Variants in ZNF805 observed in about 807,000 individuals in gnomAD.
ZNF805 encodes zinc finger protein 805.
A neutral mutation model predicts 13.6 loss-of-function variants in ZNF805; 7 were observed. That is an observed-to-expected ratio of 0.51 (90% CI 0.29 to 0.97). ZNF805 has a LOEUF of 0.97. Among genes scored for constraint, ZNF805 ranks in the 50% least tolerant of loss-of-function variants. The pLI is 0.08. For synonymous variants in ZNF805, 293 were observed against 279.8 expected, an observed-to-expected ratio of 1.05 and a Z score of -0.47; for missense variants, 604 against 771.0, an observed-to-expected ratio of 0.78 and a Z score of 2.57.
chr19:57,251,700 A>G (rs959441955), intron 3 of ZNF805, among the ~76,000 whole-genome samples: 1 of 152,222 alleles, frequency 6.6e-6, no homozygotes, highest in African/African-American at 2.4e-5. Context: ...CCTAATGTCA[A>G]AAAGGTATTC....
At position 57,255,571 on chromosome 19, in the gene ZNF805, A is replaced by G. The variant is rs541790082; in HGVS notation, c.*868A>G. On this transcript the variant is annotated 3_prime_UTR_variant, in exon 4 of 4. Transcript: ENST00000414468. Reference sequence around the variant, plus strand: ...ACAGTATAACTCCTGCACATTTAAAATAAGAATTATAGCTGCATAGTTTTT... The same window carrying G: ...ACAGTATAACTCCTGCACATTTAAAGTAAGAATTATAGCTGCATAGTTTTT... Among the ~76,000 whole-genome samples the G allele has an allele frequency of 3.9e-5, 6 of 152,300 alleles. No homozygotes were observed. The South Asian group carries it at 8.3e-4, about 21-fold the overall frequency.
rs1036413342 is a variant in ZNF805 at position 57,260,582 on chromosome 19, G to T, written c.*5879G>T. On this transcript the variant is annotated 3_prime_UTR_variant, in exon 4 of 4. Coordinates refer to ENST00000414468, the MANE Select transcript of ZNF805 (RefSeq NM_001023563.4). Reference sequence around the variant, plus strand: ...CTGGCTTTTTTCCTTTTTAGGGTCTGTGTCTTTCTTCCATCTGTAAAACAG... The same window carrying T: ...CTGGCTTTTTTCCTTTTTAGGGTCTTTGTCTTTCTTCCATCTGTAAAACAG... 6.6e-6 allele frequency among the ~76,000 whole-genome samples: 1 copy of T among 152,134 alleles called. No individual in the cohort carries two copies. The highest frequency in any genetic ancestry group is 2.4e-5 in the African/African-American group (1 of 41,418).
At chr19:57,241,041 G>C in intron 1 of ZNF805, 120 bp downstream of exon 1, 1 of 1,132,356 alleles carries the variant, frequency 8.8e-7, no homozygotes, top group Non-Finnish European at 1.3e-6. Flanking sequence ...TTTACGAAAC[G>C]TGGAGCAGGC....
chr19:57,240,972 C>T, intron 1 of ZNF805, 51 bp downstream of exon 1: 2 of 1,544,540 alleles, frequency 1.3e-6, no homozygotes, highest in Non-Finnish European at 1.8e-6. Flanking sequence ...TTCGGGGAAG[C>T]CTCCTGGGCA....
intron 3 of ZNF805, among the ~76,000 whole-genome samples, chr19:57,250,625 T>C (rs749486280): frequency 3.3e-5 from 5 of 152,236 alleles, no homozygotes; most frequent in Non-Finnish European, 7.3e-5. Context: ...TTTGTGCCTC[T>C]GGTCAGCTCT....
In ZNF805 at chr19:57,259,088, G is replaced by GT. The variant is rs879903092; in HGVS notation, c.*4393dup. Among the ~76,000 whole-genome samples the GT allele has an allele frequency of 7.9e-5, 12 of 151,864 alleles. No homozygotes were observed. Among genetic ancestry groups the GT allele is most frequent in the South Asian group, 2.1e-4 (1 of 4,802 alleles). On this transcript the variant is annotated 3_prime_UTR_variant, in exon 4 of 4. Transcript: ENST00000414468. Reference sequence around the variant, plus strand: ...TATCAACCTGCGTTCAAAGTGTTTTGTTTTTTTTGTAGTGTTCAGAAGTTT... The same window carrying GT: ...TATCAACCTGCGTTCAAAGTGTTTTGTTTTTTTTTGTAGTGTTCAGAAGTTT...
intron 2 of ZNF805, among the ~76,000 whole-genome samples, chr19:57,245,509 A>G (rs547449199): frequency 0.01 from 1,524 of 152,204 alleles, 25 homozygotes; most frequent in African/African-American, 0.034. Flanking sequence ...GCCAGGTGCG[A>G]TAGCTCATGC....
chr19:57,247,319 C>A (rs559249933), intron 2 of ZNF805, among the ~76,000 whole-genome samples: 37 of 152,180 alleles, frequency 2.4e-4, no homozygotes, highest in Non-Finnish European at 4.6e-4. Flanking sequence ...GATGAATCCT[C>A]CAGCTCACAT....
At chr19:57,250,451 C>G (rs1466138114) in intron 3 of ZNF805, among the ~76,000 whole-genome samples, 1 of 152,278 alleles carries the variant, frequency 6.6e-6, no homozygotes, top group South Asian at 2.1e-4. Context: ...AGGCTGGTCT[C>G]GAACTCCCGA....
intron 2 of ZNF805, among the ~76,000 whole-genome samples, chr19:57,246,228 C>T (rs902166878): frequency 2.6e-5 from 4 of 152,172 alleles, no homozygotes; most frequent in Non-Finnish European, 5.9e-5. Flanking sequence ...GGCTGGAGTG[C>T]AGTGGTTTGA....
chr19:57,254,621 A>C lies in ZNF805; in HGVS notation c.1802A>C (p.Glu601Ala), dbSNP rs781003321. Residue 601 changes from glutamate (E) to alanine (A), a missense_variant, in exon 4 of 4, where the codon GAA (glutamate) becomes GCA (alanine). This residue lies in a region of ZNF805 where 49 missense variants were observed against 40.0 expected (regional missense o/e 1.23). Transcript: ENST00000414468. Reference sequence around the variant, plus strand: ...AACTTTTTGAATGTCACCACTGAGGAAAATCTTTTGCAAGAGGAAGCATCT... The same window carrying C: ...AACTTTTTGAATGTCACCACTGAGGCAAATCTTTTGCAAGAGGAAGCATCT... ...GKNFLNVTTE[E>A]NLLQEEASYM... 3.0e-5 allele frequency: 49 copies of C among 1,614,028 alleles called. 2 individuals carry two copies. In the South Asian group the frequency reaches 4.9e-4, roughly 16 times the overall value.
Position 57,257,543 on chromosome 19 carries a change from T to C in ZNF805, c.*2840T>C, listed in dbSNP as rs2087694827. 6.6e-6 allele frequency among the ~76,000 whole-genome samples: 1 copy of C among 152,190 alleles called. No individual in the cohort carries two copies. The highest frequency in any genetic ancestry group is 2.4e-5 in the African/African-American group (1 of 41,444). The stretch of plus-strand genomic sequence containing the variant: ...CTGTTAATACTCTTATCAATTTTTA[T>C]CTGATATTTGTGTGGTCAGTCTTAC... On this transcript the variant is annotated 3_prime_UTR_variant, in exon 4 of 4. Coordinates refer to ENST00000414468, the MANE Select transcript of ZNF805 (RefSeq NM_001023563.4).
chr19:57,253,327 A>G lies in ZNF805; in HGVS notation c.508A>G (p.Arg170Gly). ...GLGTADSVCS[R>G]IIQDRVSLGD... Reference sequence around the variant, plus strand: ...AGGGACAGCTGATAGTGTGTGTTCAAGGATTATACAGGATCGAGTCTCCTT... The same window carrying G: ...AGGGACAGCTGATAGTGTGTGTTCAGGGATTATACAGGATCGAGTCTCCTT... Residue 170 changes from arginine (R) to glycine (G), a missense_variant, in exon 4 of 4, where the codon AGG becomes GGG. Coordinates refer to ENST00000414468, the MANE Select transcript of ZNF805 (RefSeq NM_001023563.4). The surrounding 1 kb of genome is among the most constrained non-coding windows in gnomAD (Gnocchi z 4.4). The G allele has an allele frequency of 6.4e-7, 1 of 1,573,570 alleles. No homozygotes were observed. The highest frequency in any genetic ancestry group is 1.2e-5 in the South Asian group (1 of 85,940).
chr19:57,243,189 C>A (rs1414462205), intron 1 of ZNF805, among the ~76,000 whole-genome samples: 3 of 152,196 alleles, frequency 2.0e-5, no homozygotes, highest in Non-Finnish European at 2.9e-5. Context: ...ACACTCCAGT[C>A]TGGGTAATAG....
intron 2 of ZNF805, among the ~76,000 whole-genome samples, chr19:57,246,111 T>C (rs2087616801): frequency 6.6e-6 from 1 of 152,186 alleles, no homozygotes; most frequent in East Asian, 1.9e-4. Flanking sequence ...TCCCCTTTTC[T>C]ACAGAGGGAG....
chr19:57,260,580 CTGTG>C lies in ZNF805; in HGVS notation c.*5879_*5882del, dbSNP rs1331429440. ...TCCTGGCTTTTTTCCTTTTTAGGGT[CTGTG>C]TCTTTCTTCCATCTGTAAAACAGCT... is the stretch of plus-strand genomic sequence containing the variant. On this transcript the variant is annotated 3_prime_UTR_variant, in exon 4 of 4. Transcript: ENST00000414468. Among the ~76,000 whole-genome samples, 1 of 152,166 alleles carries C rather than the reference CTGTG, an allele frequency of 6.6e-6. No individual in the cohort carries two copies. Among genetic ancestry groups the C allele is most frequent in the Non-Finnish European group, 1.5e-5 (1 of 68,032 alleles).
rs944881017 is a variant in ZNF805, at chr19:57,261,543, T to G, written c.*6840T>G. The G allele has an allele frequency of 1.8e-5, 3 of 167,034 alleles. No homozygotes were observed. The highest frequency in any genetic ancestry group is 4.4e-5 in the Non-Finnish European group (3 of 68,124). 10.3% of individuals were successfully genotyped at this position (167,034 alleles called of 1,614,324 possible). On this transcript the variant is annotated 3_prime_UTR_variant, in exon 4 of 4. Transcript: ENST00000414468. The stretch of plus-strand genomic sequence containing the variant: ...AGACCCTCAATATATATGTGTGTGT[T>G]GGTAAATGGCCATACACAGCAGGGT...
Position 57,256,969 on chromosome 19 carries a change from A to G in ZNF805, c.*2266A>G, listed in dbSNP as rs936559980. Among the ~76,000 whole-genome samples, 1 of 152,154 alleles carries G rather than the reference A, an allele frequency of 6.6e-6. No homozygotes were observed. Among genetic ancestry groups the G allele is most frequent in the Non-Finnish European group, 1.5e-5 (1 of 68,014 alleles). ...CTTACACTGCTGTTAGTTTCATCCC[A>G]CAAGTCTTAATATGCTTTTGATTAT... On this transcript the variant is annotated 3_prime_UTR_variant, in exon 4 of 4. Transcript: ENST00000414468.
rs2087701888 is a variant in ZNF805 at position 57,258,323 on chromosome 19, T to G, written c.*3620T>G. On this transcript the variant is annotated 3_prime_UTR_variant, in exon 4 of 4. Transcript: ENST00000414468. ...TGGCCCCAGTTTGCATATTTCTGTC[T>G]TTTATTGGTGTATTTAGACCATTTA... Among the ~76,000 whole-genome samples the G allele has an allele frequency of 6.6e-6, 1 of 152,086 alleles. No homozygotes were observed. The highest frequency in any genetic ancestry group is 2.4e-5 in the African/African-American group (1 of 41,420).
Sources: gnomAD v4.1 joint callset for allele counts (sites outside exome capture counted in the v4.1 genomes callset) on GRCh38, gnomAD v4.1.1 for gene constraint, gnomAD v4.1.1 regional missense constraint, Gnocchi (gnomAD v3.1) non-coding constraint, MANE v1.5 for transcripts, NCBI Gene and HGNC (gene_info 2026-07-23, HGNC 2026-07-21) for gene names.